Variants in CFAP57 observed in about 807,000 individuals in gnomAD.
The protein encoded by CFAP57 is cilia- and flagella-associated protein 57.
CFAP57 carries 116 observed loss-of-function variants against 146.8 expected under a neutral mutation model. That is an observed-to-expected ratio of 0.79 (90% CI 0.68 to 0.92). CFAP57 has a LOEUF of 0.92. Ranked by LOEUF, CFAP57 falls within the 40% of genes least tolerant of loss-of-function variation. The pLI is 0.00. For missense variants in CFAP57, 1,377 were observed against 1,527.2 expected, an observed-to-expected ratio of 0.90 and a Z score of 1.64; for synonymous variants, 518 against 552.8, an observed-to-expected ratio of 0.94 and a Z score of 0.88.
In CFAP57 at chr1:43,187,908, A is replaced by G. The variant is rs369494528; in HGVS notation, c.1122+1049A>G. Among the ~76,000 whole-genome samples the G allele has an allele frequency of 8.1e-4, 123 of 152,236 alleles. 3 individuals carry two copies. The Middle Eastern group carries it at 0.014, about 17-fold the overall frequency. On this transcript the variant is annotated intron_variant, in intron 6 of 22. Coordinates refer to ENST00000372492, the MANE Select transcript of CFAP57 (RefSeq NM_001378189.1). ...AGCCTTGACCTCCTGGGCTCCAGCA[A>G]TCTTCCCACCTCAGCTTCCCAAGTA...
At chr1:43,249,294 C>G (rs921084349) in intron 22 of CFAP57, among the ~76,000 whole-genome samples, 6 of 151,894 alleles carry the variant, frequency 4.0e-5, no homozygotes, top group African/African-American at 1.5e-4. Flanking sequence ...AAAAAGTTTA[C>G]CTAAAACATT....
intron 21 of CFAP57, among the ~76,000 whole-genome samples, chr1:43,234,927 C>T (rs1645628525): frequency 6.6e-6 from 1 of 152,120 alleles, no homozygotes; most frequent in Non-Finnish European, 1.5e-5. Context: ...CTCTTTTCTA[C>T]ACCATCTTTA....
chr1:43,179,732 G>A (rs1296028806), intron 2 of CFAP57, among the ~76,000 whole-genome samples: 1 of 152,100 alleles, frequency 6.6e-6, no homozygotes, highest in East Asian at 1.9e-4. Flanking sequence ...TCCACCTGCT[G>A]GACCTCCGTA....
At chr1:43,249,048 A>ATTTTTTT (rs1229728481) in intron 22 of CFAP57, among the ~76,000 whole-genome samples, 4 of 123,984 alleles carry the variant, frequency 3.2e-5, no homozygotes, top group African/African-American at 6.2e-5. Flanking sequence ...CTCCCAGCTA[A>ATTTTTTT]TTTTTTTTTT....
At chr1:43,250,459 A>T (rs1646295858) in intron 22 of CFAP57, 1 of 152,212 alleles carries the variant, frequency 6.6e-6, no homozygotes, top group South Asian at 2.1e-4. Context: ...GAACAGCAGC[A>T]CAAAAGCCTG....
At chr1:43,172,626 GGAGA>G in intron 1 of CFAP57, 105 bp from the exon 2 acceptor site, 1 of 999,544 alleles carries the variant, frequency 1.0e-6, no homozygotes, top group Non-Finnish European at 1.5e-6. Context: ...AGGAGAAAGG[GGAGA>G]GACAAGGGGA....
rs1163384926 is a variant in CFAP57 at position 43,216,491 on chromosome 1, G to A, written c.2091+1075G>A. 2.0e-5 allele frequency among the ~76,000 whole-genome samples: 3 copies of A among 152,156 alleles called. No individual in the cohort carries two copies. The East Asian group carries it at 5.8e-4, about 29-fold the overall frequency. ...TTTTCTGTTCTTCCCAGAGGGTAGG[G>A]GAAGAGGCCAAATAGGAGACAGCAG... On this transcript the variant is annotated intron_variant, in intron 12 of 22. Transcript: ENST00000372492.
At position 43,183,793 on chromosome 1, in the gene CFAP57, G is replaced by T. The variant is rs1448304243; in HGVS notation, c.677G>T (p.Gly226Val). The T allele has an allele frequency of 6.2e-7, 1 of 1,614,218 alleles. No homozygotes were observed. Among genetic ancestry groups the T allele is most frequent in the South Asian group, 1.1e-5 (1 of 91,084 alleles). Residue 226 changes from glycine (G) to valine (V), a missense_variant, in exon 4 of 23, where the codon GGA becomes GTA. Physicochemically the swap from Gly to Val is moderately radical, Grantham distance 109. Coordinates refer to ENST00000372492, the MANE Select transcript of CFAP57 (RefSeq NM_001378189.1). Reference protein sequence around the residue: ...DTGKLFLFESGDQRWETSIMV... With the variant: ...DTGKLFLFESVDQRWETSIMV... ...GGCAAACTCTTCCTCTTTGAATCTG[G>T]AGATCAGCGTTGGGAGACCAGCATA...
chr1:43,237,827 TAC>T (rs60880055), intron 21 of CFAP57, among the ~76,000 whole-genome samples: 8,164 of 152,208 alleles, frequency 0.054, 402 homozygotes, highest in East Asian at 0.2. Context: ...TGCCAAAAAG[TAC>T]AGTTTGTCCT....
At chr1:43,222,759 C>T (rs897490088) in intron 15 of CFAP57, 65 bp from the exon 16 acceptor site, 7 of 1,459,094 alleles carry the variant, frequency 4.8e-6, no homozygotes. Flanking sequence ...CACCTCAAGC[C>T]CTGTTGGCAC....
rs140727668 is a variant in CFAP57, at chr1:43,248,699, A to G, written c.3539-5278A>G. Among the ~76,000 whole-genome samples the G allele has an allele frequency of 2.2e-4, 33 of 152,240 alleles. No homozygotes were observed. The East Asian group carries it at 5.6e-3, about 26-fold the overall frequency. ...AGACAAAATTATTTTTTTCTCACTA[A>G]TAACATCTTTTGGCCCATTTCATAT... On this transcript the variant is annotated intron_variant, in intron 22 of 22. Transcript: ENST00000372492.
intron 9 of CFAP57, among the ~76,000 whole-genome samples, chr1:43,199,923 G>A (rs1307922966): frequency 6.6e-6 from 1 of 152,240 alleles, no homozygotes; most frequent in Non-Finnish European, 1.5e-5. Flanking sequence ...GTGGGGTAAA[G>A]ATGGGCTGAG....
At chr1:43,240,552 C>T (rs186377988) in intron 21 of CFAP57, among the ~76,000 whole-genome samples, 42 of 152,128 alleles carry the variant, frequency 2.8e-4, no homozygotes, top group African/African-American at 9.4e-4. Context: ...GTAAAGCATT[C>T]GATGGAGAAA....
chr1:43,173,060 A>G (rs184744422), intron 2 of CFAP57, 150 bp downstream of exon 2: 13 of 690,484 alleles, frequency 1.9e-5, no homozygotes, highest in African/African-American at 1.4e-4. Flanking sequence ...GGCGACTTGT[A>G]TTATGAAACT....
chr1:43,180,993 C>G (rs1432930742), intron 2 of CFAP57, among the ~76,000 whole-genome samples: 1 of 152,048 alleles, frequency 6.6e-6, no homozygotes, highest in Non-Finnish European at 1.5e-5. Flanking sequence ...ACCACCCAGT[C>G]CCCATCTCAC....
chr1:43,232,128 G>A (rs1292153274), intron 18 of CFAP57: 1 of 699,604 alleles, frequency 1.4e-6, no homozygotes, highest in Admixed American at 2.0e-5. Context: ...TCAGAAAGCA[G>A]GTGAGGAAGG....
chr1:43,182,814 C>T (rs192849958), intron 3 of CFAP57, among the ~76,000 whole-genome samples: 53 of 152,338 alleles, frequency 3.5e-4, no homozygotes, highest in African/African-American at 1.3e-3. Flanking sequence ...GAAAAAGTCA[C>T]AGCCCCTCAA....
rs190294840 is a variant in CFAP57, at chr1:43,222,739, A to G, written c.2533-85A>G. Reference sequence around the variant, plus strand: ...CTTTGACTCCCTGGGACAGGTCCCCATGCTCATCTCACCTCAAGCCCTGTT... The same window carrying G: ...CTTTGACTCCCTGGGACAGGTCCCCGTGCTCATCTCACCTCAAGCCCTGTT... On this transcript the variant is annotated intron_variant, in intron 15 of 22. Transcript: ENST00000372492. 602 of 1,422,596 alleles carry G rather than the reference A, an allele frequency of 4.2e-4. 3 individuals carry two copies. The African/African-American group carries it at 7.6e-3, about 18-fold the overall frequency. The allele number at this position is 1,422,596 out of a possible 1,614,324, so 88.1% of individuals were successfully genotyped here.
intron 12 of CFAP57, among the ~76,000 whole-genome samples, chr1:43,216,251 A>C (rs1007671633): frequency 1.3e-5 from 2 of 152,194 alleles, no homozygotes; most frequent in Non-Finnish European, 2.9e-5. Flanking sequence ...GCTTACAGTC[A>C]AGTGAGGGAT....
Sources: allele counts gnomAD v4.1 joint callset (sites outside exome capture counted in the v4.1 genomes callset), GRCh38; gene constraint gnomAD v4.1.1; transcripts MANE v1.5; gene names NCBI Gene and HGNC (gene_info 2026-07-23, HGNC 2026-07-21).